PDE2A: variants seen among roughly 807,000 people sequenced by gnomAD.
PDE2A encodes the protein cGMP-dependent 3',5'-cyclic phosphodiesterase.
Under a neutral mutation model 133.6 loss-of-function variants are expected in PDE2A, and 53 were observed. That is an observed-to-expected ratio of 0.40 (90% CI 0.32 to 0.50). The LOEUF (loss-of-function observed/expected upper bound fraction) is 0.50, where lower values mean the gene tolerates loss of function less well. Among genes scored for constraint, PDE2A ranks in the 20% least tolerant of loss-of-function variants. The pLI is 0.73. For missense variants in PDE2A, 796 were observed against 1,232.4 expected, an observed-to-expected ratio of 0.65 and a Z score of 5.30; for synonymous variants, 491 against 490.2, an observed-to-expected ratio of 1.00 and a Z score of -0.02.
chr11:72,652,279 T>C (rs1854761878), intron 1 of PDE2A, among the ~76,000 whole-genome samples: 1 of 152,028 alleles, frequency 6.6e-6, no homozygotes, highest in East Asian at 1.9e-4. Context: ...AGCCTGCCTG[T>C]TGTGTTTTGT....
intron 2 of PDE2A, among the ~76,000 whole-genome samples, chr11:72,637,816 T>C (rs1858768856): frequency 6.6e-6 from 1 of 152,116 alleles, no homozygotes; most frequent in Non-Finnish European, 1.5e-5. Context: ...TGAGTCAGGT[T>C]GGAGAAAGTG....
At chr11:72,596,517 C>CACACACACACA (rs1856496397) in intron 6 of PDE2A, 76 bp downstream of exon 6, 70 of 684,430 alleles carry the variant, frequency 1.0e-4, no homozygotes, top group South Asian at 3.5e-4. Context: ...CACACACACA[C>CACACACACACA]CCTGGACAGG....
chr11:72,595,734 T>C (rs1038669733), intron 6 of PDE2A, among the ~76,000 whole-genome samples: 1 of 151,958 alleles, frequency 6.6e-6, no homozygotes, highest in Non-Finnish European at 1.5e-5. Flanking sequence ...AGACCCCCAA[T>C]AATAGCAATT....
At chr11:72,601,357 A>G (rs1354970617) in intron 4 of PDE2A, among the ~76,000 whole-genome samples, 1 of 95,552 alleles carries the variant, frequency 1.0e-5, no homozygotes, top group Non-Finnish European at 2.1e-5. Context: ...ACTCTCACTG[A>G]GCCCCCAGGA....
At chr11:72,654,103 G>A (rs1019103409) in intron 1 of PDE2A, among the ~76,000 whole-genome samples, 3 of 152,198 alleles carry the variant, frequency 2.0e-5, no homozygotes, top group Admixed American at 2.0e-4. Flanking sequence ...TCCATAGTGG[G>A]CAGAGCTCCA....
At chr11:72,606,269 G>A (rs566046029) in intron 3 of PDE2A, among the ~76,000 whole-genome samples, 3 of 152,222 alleles carry the variant, frequency 2.0e-5, no homozygotes, top group South Asian at 2.1e-4. Context: ...TTCTCCGCAG[G>A]AGGATGGAGA....
intron 1 of PDE2A, among the ~76,000 whole-genome samples, chr11:72,667,156 T>C (rs923555285): frequency 3.3e-5 from 5 of 152,024 alleles, no homozygotes; most frequent in African/African-American, 7.3e-5. Flanking sequence ...TGTGAGTATG[T>C]TCACACTTTT....
intron 1 of PDE2A, among the ~76,000 whole-genome samples, chr11:72,653,357 C>G (rs1459952475): frequency 6.6e-6 from 1 of 152,170 alleles, no homozygotes; most frequent in Non-Finnish European, 1.5e-5. Context: ...GAGACACCAT[C>G]AGACAGCAAG....
At chr11:72,608,307 A>G (rs1591062386) in intron 3 of PDE2A, among the ~76,000 whole-genome samples, 1 of 152,054 alleles carries the variant, frequency 6.6e-6, no homozygotes, top group East Asian at 1.9e-4. Context: ...TCTACCCTCA[A>G]CTTCTCCTGC....
chr11:72,594,356 G>A (rs1856379892), intron 6 of PDE2A, among the ~76,000 whole-genome samples: 1 of 152,222 alleles, frequency 6.6e-6, no homozygotes, highest in Admixed American at 6.5e-5. Flanking sequence ...GGATCTGGCA[G>A]CAGCTGGGAA....
At position 72,588,842 on chromosome 11, in the gene PDE2A, G is replaced by T. The variant is rs746253555; in HGVS notation, c.1012C>A (p.Arg338=). ...QAMLCVPVIS[R]ATDQVVALAC... ...AAGGCCACCACCTGGTCAGTGGCCCGGCTGATGACAGGGACACAGAGCATG... is the reference window on the plus strand; with the variant it reads ...AAGGCCACCACCTGGTCAGTGGCCCTGCTGATGACAGGGACACAGAGCATG... Residue 338 remains arginine (R), a synonymous_variant, in exon 13 of 31, where the codon CGG becomes AGG. Transcript: ENST00000334456. The T allele has an allele frequency of 6.2e-7, 1 of 1,611,594 alleles. No homozygotes were observed. The highest frequency in any genetic ancestry group is 1.3e-5 in the African/African-American group (1 of 75,030).
rs1856504811 is a variant in PDE2A, at chr11:72,596,659, G to A, written c.434-11C>T. ...GCGGCATGACCAGCACTGAGGGGGA[G>A]AGGGCAATGAGGTGCTCCTGCAGGG... On this transcript the variant is annotated splice_polypyrimidine_tract_variant and intron_variant, in intron 5 of 30. Coordinates refer to ENST00000334456, the MANE Select transcript of PDE2A (RefSeq NM_002599.5). The A allele has an allele frequency of 7.0e-7, 1 of 1,426,962 alleles. No individual in the cohort carries two copies. The highest frequency in any genetic ancestry group is 1.5e-5 in the African/African-American group (1 of 68,668). 88.4% of individuals were successfully genotyped at this position (1,426,962 alleles called of 1,614,324 possible).
In PDE2A at chr11:72,673,418, CAT is replaced by C. The variant is rs1491518528; in HGVS notation, c.71+717_71+718del. Among the ~76,000 whole-genome samples the C allele has an allele frequency of 6.9e-3, 1,051 of 151,370 alleles. 9 individuals are homozygous for C. The highest frequency in any genetic ancestry group is 0.023 in the African/African-American group (965 of 41,196). ...ATGTATACACACACACACACACACA[CAT>C]ACCCTGCCTACCACCTCGGCAGCCC... On this transcript the variant is annotated intron_variant, in intron 1 of 30. Transcript: ENST00000334456.
At chr11:72,604,850 T>A (rs1856903701) in intron 4 of PDE2A, among the ~76,000 whole-genome samples, 1 of 152,228 alleles carries the variant, frequency 6.6e-6, no homozygotes, top group Admixed American at 6.5e-5. Flanking sequence ...CCCAATGTTC[T>A]GAGACTCTGC....
intron 2 of PDE2A, among the ~76,000 whole-genome samples, chr11:72,620,573 C>A (rs1258081187): frequency 6.6e-6 from 1 of 152,110 alleles, no homozygotes; most frequent in African/African-American, 2.4e-5. Context: ...CTGAAAGGAG[C>A]CCAAGGAAGT....
At chr11:72,631,524 C>T (rs1431335966) in intron 2 of PDE2A, among the ~76,000 whole-genome samples, 2 of 152,188 alleles carry the variant, frequency 1.3e-5, no homozygotes, top group African/African-American at 4.8e-5. Context: ...TAATGTCCAC[C>T]TCACACAGTC....
At chr11:72,643,266 C>A (rs1859036237) in intron 1 of PDE2A, 1 of 152,258 alleles carries the variant, frequency 6.6e-6, no homozygotes, top group Non-Finnish European at 1.5e-5. Context: ...GGGCCGCGTC[C>A]GGGGATTCAG....
intron 1 of PDE2A, among the ~76,000 whole-genome samples, chr11:72,647,435 C>G (rs1002167218): frequency 4.6e-5 from 7 of 152,204 alleles, no homozygotes; most frequent in Non-Finnish European, 7.3e-5. Flanking sequence ...AGTATCCAGG[C>G]AGGCCTCCCT....
chr11:72,659,157 A>T (rs1318977630), intron 1 of PDE2A, among the ~76,000 whole-genome samples: 2 of 151,506 alleles, frequency 1.3e-5, no homozygotes, highest in African/African-American at 4.9e-5. Context: ...GGCAGGAGTC[A>T]CACCCAGTTG....
Sources: gnomAD v4.1 joint callset for allele counts (sites outside exome capture counted in the v4.1 genomes callset) on GRCh38, gnomAD v4.1.1 for gene constraint, MANE v1.5 for transcripts, NCBI Gene and HGNC (gene_info 2026-07-23, HGNC 2026-07-21) for gene names.